The following SLC13A2 variants were observed in gnomAD, a reference collection of about 807,000 sequenced individuals.
The protein encoded by SLC13A2 is Na(+)-coupled citrate transporter.
In SLC13A2, 40 loss-of-function variants were observed where a neutral mutation model predicts 58.5. The ratio of observed to expected loss-of-function variants is 0.68; its 90% CI spans 0.53 to 0.89. The LOEUF (loss-of-function observed/expected upper bound fraction) is 0.89. Among genes scored for constraint, SLC13A2 ranks in the 40% least tolerant of loss-of-function variants. The pLI, the probability that SLC13A2 is intolerant of heterozygous loss-of-function variation, is 0.00. For synonymous variants in SLC13A2, 341 were observed against 331.6 expected, an observed-to-expected ratio of 1.03 and a Z score of -0.31; for missense variants, 694 against 772.6, an observed-to-expected ratio of 0.90 and a Z score of 1.21.
At chr17:28,481,359 G>A (rs1216006022) in intron 1 of SLC13A2, among the ~76,000 whole-genome samples, 1 of 152,182 alleles carries the variant, frequency 6.6e-6, no homozygotes, top group African/African-American at 2.4e-5. Flanking sequence ...ATCAATGAAG[G>A]ACACTTGAAT....
At position 28,490,761 on chromosome 17, in the gene SLC13A2, C is replaced by A; in HGVS notation, c.429C>A (p.Ala143=). 1 of 1,614,178 alleles carries A rather than the reference C, an allele frequency of 6.2e-7. No individual in the cohort carries two copies. The highest frequency in any genetic ancestry group is 8.5e-7 in the Non-Finnish European group (1 of 1,180,024). ...AFLSMWISNT[A]TSAMMVPIAH... ...TGTCCATGTGGATCAGCAACACGGC[C>A]ACCTCAGCCATGATGGTGCCCATCG... The change falls in exon 4 of 12, where the codon GCC becomes GCA. Residue 143 remains alanine, a synonymous_variant. Coordinates refer to ENST00000314669, the MANE Select transcript of SLC13A2 (RefSeq NM_003984.4).
intron 1 of SLC13A2, among the ~76,000 whole-genome samples, chr17:28,487,078 G>T (rs572210928): frequency 2.0e-5 from 3 of 152,194 alleles, no homozygotes; most frequent in Non-Finnish European, 4.4e-5. Context: ...GATTACAGGC[G>T]TGAGCCGCCA....
rs2068929509 is a variant in SLC13A2, at chr17:28,488,420, G to A, written c.103-794G>A. 1.3e-5 allele frequency among the ~76,000 whole-genome samples: 2 copies of A among 152,124 alleles called. 1 individual carries two copies. Among genetic ancestry groups the A allele is most frequent in the Admixed American group, 1.3e-4 (2 of 15,284 alleles). On this transcript the variant is annotated intron_variant, in intron 1 of 11. Transcript: ENST00000314669. The stretch of plus-strand genomic sequence containing the variant: ...CCCTCTCCTGGCTAATGATTCCCCA[G>A]CCCTGGGAAGCCTCCTGGCTAATGA...
chr17:28,482,790 TCA>T (rs781973947), intron 1 of SLC13A2, among the ~76,000 whole-genome samples: 2 of 152,146 alleles, frequency 1.3e-5, no homozygotes, highest in Non-Finnish European at 2.9e-5. Flanking sequence ...GAACTCCTAC[TCA>T]CCCCTCAGTA....
In SLC13A2 at chr17:28,496,618, C is replaced by G. The variant is rs1483604612; in HGVS notation, c.1608+31C>G. ...TGGCAGGGAGGCCTGAATGCCTCAT[C>G]CCTCCTTCCTGCTCTGACTTTTCAT... On this transcript the variant is annotated intron_variant, in intron 11 of 11. Coordinates refer to ENST00000314669, the MANE Select transcript of SLC13A2 (RefSeq NM_003984.4). The surrounding 1 kb of genome is among the most constrained non-coding windows in gnomAD (Gnocchi z 4.2). 26 of 1,593,884 alleles carry G rather than the reference C, an allele frequency of 1.6e-5. No individual in the cohort carries two copies. Among genetic ancestry groups the G allele is most frequent in the Non-Finnish European group, 2.2e-5 (26 of 1,166,706 alleles).
Position 28,494,043 on chromosome 17 carries a change from T to C in SLC13A2, c.1124T>C (p.Ile375Thr). The C allele has an allele frequency of 1.2e-6, 2 of 1,612,740 alleles. No homozygotes were observed. Among genetic ancestry groups the C allele is most frequent in the Non-Finnish European group, 1.7e-6 (2 of 1,179,340 alleles). ...ESMVSDGTVA[I>T]FIGIIMFIIP... is the part of the protein sequence containing the mutation. The stretch of plus-strand genomic sequence containing the variant: ...ATGGTGTCCGATGGGACAGTGGCCA[T>C]CTTCATCGGCATAATTATGTTCATC... The change falls in exon 8 of 12, where the codon ATC (isoleucine) becomes ACC (threonine). Residue 375 changes from isoleucine (I) to threonine (T), a missense_variant. Ile to Thr is a moderately conservative substitution (Grantham distance 89). Transcript: ENST00000314669. The surrounding 1 kb of genome is among the most constrained non-coding windows in gnomAD (Gnocchi z 4.0).
intron 1 of SLC13A2, among the ~76,000 whole-genome samples, chr17:28,474,285 G>GA (rs765421317): frequency 6.6e-6 from 1 of 152,052 alleles, no homozygotes; most frequent in East Asian, 1.9e-4. Context: ...AACAGGAAGA[G>GA]AAAGAGTTCA....
rs544683391 is a variant in SLC13A2 at position 28,486,356 on chromosome 17, C to T, written c.103-2858C>T. ...TGATTTTATGTTCATAACCTTAGTT[C>T]GATGTTCTTGAATAGATAAAATAGT... On this transcript the variant is annotated intron_variant, in intron 1 of 11. Transcript: ENST00000314669. Among the ~76,000 whole-genome samples, 13 of 152,246 alleles carry T rather than the reference C, an allele frequency of 8.5e-5. 1 individual carries two copies. The highest frequency in any genetic ancestry group is 6.2e-4 in the South Asian group (3 of 4,822).
intron 7 of SLC13A2, 64 bp downstream of exon 7, chr17:28,493,853 G>GCCCA: frequency 6.4e-7 from 1 of 1,571,360 alleles, no homozygotes; most frequent in Non-Finnish European, 8.7e-7. Context: ...AAGGAGGGAA[G>GCCCA]GGTATAGGGC....
intron 4 of SLC13A2, 146 bp downstream of exon 4, chr17:28,491,052 C>A: frequency 1.1e-6 from 1 of 892,484 alleles, no homozygotes; most frequent in Non-Finnish European, 1.7e-6. Context: ...ATTTGTTTTT[C>A]CTTTTTTAAA....
At chr17:28,491,371 G>A (rs1209591543) in intron 4 of SLC13A2, 66 bp from the exon 5 acceptor site, 3 of 1,569,684 alleles carry the variant, frequency 1.9e-6, no homozygotes, top group Non-Finnish European at 2.6e-6. Flanking sequence ...GGGCCTTGCA[G>A]CCCTGGCCCC....
In SLC13A2 at chr17:28,494,220, G is replaced by A. The variant is rs932852459; in HGVS notation, c.1186+115G>A. On this transcript the variant is annotated intron_variant, in intron 8 of 11. Coordinates refer to ENST00000314669, the MANE Select transcript of SLC13A2 (RefSeq NM_003984.4). The surrounding 1 kb of genome is among the most constrained non-coding windows in gnomAD (Gnocchi z 4.0). ...AGGCAAAGCCCAGAAAGGCTGGAGC[G>A]ACTTGCCAAGGGCACAGGGACTCGG... The A allele has an allele frequency of 7.9e-5, 116 of 1,474,192 alleles. No individual in the cohort carries two copies. Among genetic ancestry groups the A allele is most frequent in the Non-Finnish European group, 9.2e-5 (98 of 1,062,626 alleles). 91.3% of individuals were successfully genotyped at this position (1,474,192 alleles called of 1,614,324 possible). A position where few individuals can be genotyped will look rare whatever the true frequency, so the allele number is the denominator to read the frequency against.
intron 11 of SLC13A2, 75 bp from the exon 12 acceptor site, chr17:28,497,024 A>AC: frequency 6.7e-7 from 1 of 1,494,760 alleles, no homozygotes; most frequent in Non-Finnish European, 9.2e-7. Context: ...GCTCCTGTGC[A>AC]CCCCCAAACA....
At chr17:28,493,815 G>A in intron 7 of SLC13A2, 26 bp downstream of exon 7, 3 of 1,611,952 alleles carry the variant, frequency 1.9e-6, no homozygotes, top group South Asian at 1.1e-5. Flanking sequence ...GTTGGGAGGA[G>A]GACACATCTG....
chr17:28,473,704 C>G lies in SLC13A2; in HGVS notation c.-9C>G, dbSNP rs200817983. ...GCAGTGGCTGTAGCAGCCCTTGCTG[C>G]TCCACACCATGGCCACCTGCTGGCA... On this transcript the variant is annotated 5_prime_UTR_variant, in exon 1 of 12. Transcript: ENST00000314669. 1 of 1,611,908 alleles carries G rather than the reference C, an allele frequency of 6.2e-7. No individual in the cohort carries two copies. The highest frequency in any genetic ancestry group is 8.5e-7 in the Non-Finnish European group (1 of 1,178,450).
intron 1 of SLC13A2, chr17:28,487,671 C>A: frequency 1.5e-6 from 1 of 669,088 alleles, no homozygotes; most frequent in Non-Finnish European, 1.8e-6. Context: ...GGTAACTGGC[C>A]ATTCAGTCAT....
intron 1 of SLC13A2, among the ~76,000 whole-genome samples, chr17:28,480,456 G>C (rs1369357201): frequency 6.6e-6 from 1 of 152,148 alleles, no homozygotes; most frequent in Non-Finnish European, 1.5e-5. Context: ...TCTGTTCTGG[G>C]CCCCACCTCT....
intron 2 of SLC13A2, 94 bp downstream of exon 2, chr17:28,489,436 T>C: frequency 7.0e-7 from 1 of 1,425,274 alleles, no homozygotes; most frequent in Non-Finnish European, 9.4e-7. Flanking sequence ...AGCCTCACCA[T>C]AGGCAGGGCA....
intron 1 of SLC13A2, among the ~76,000 whole-genome samples, chr17:28,485,993 T>TA (rs1376354402): frequency 6.6e-6 from 1 of 152,054 alleles, no homozygotes; most frequent in African/African-American, 2.4e-5. Context: ...ACCCTGTCTT[T>TA]AAAAAAAATT....
Sources: gnomAD v4.1 joint callset for allele counts (sites outside exome capture counted in the v4.1 genomes callset) on GRCh38, gnomAD v4.1.1 for gene constraint, Gnocchi (gnomAD v3.1) non-coding constraint, MANE v1.5 for transcripts, NCBI Gene and HGNC (gene_info 2026-07-23, HGNC 2026-07-21) for gene names.